The following PSMC6 variants were observed in gnomAD, a reference collection of about 807,000 sequenced individuals.
PSMC6 encodes the protein proteasome 26S subunit, ATPase 6, also known as 26S proteasome regulatory subunit 10B.
A neutral mutation model predicts 55.9 loss-of-function variants in PSMC6; 3 were observed. The observed-to-expected ratio is 0.05, with a 90% CI of 0.02 to 0.14. The LOEUF is 0.14. PSMC6 is among the 10% of genes least tolerant of loss of function. PSMC6 has a pLI of 1.00. For missense variants in PSMC6, 210 were observed against 478.7 expected, an observed-to-expected ratio of 0.44 and a Z score of 5.24; for synonymous variants, 137 against 155.9, an observed-to-expected ratio of 0.88 and a Z score of 0.90.
intron 13 of PSMC6, among the ~76,000 whole-genome samples, chr14:52,725,955 A>C (rs1242599027): frequency 6.6e-6 from 1 of 152,268 alleles, no homozygotes; most frequent in African/African-American, 2.4e-5. Flanking sequence ...TTTAAAAATC[A>C]GTCATTTCCA....
rs534605079 is a variant in PSMC6, at chr14:52,715,569, A to G, written c.529+1601A>G. ...AGTGAAAATTAGAATTTTTAGAAAC[A>G]TATATCTGGCACTATGTGGTTGAAG... On this transcript the variant is annotated intron_variant, in intron 7 of 13. Transcript: ENST00000445930. Among the ~76,000 whole-genome samples, 20 of 151,938 alleles carry G rather than the reference A, an allele frequency of 1.3e-4. No individual in the cohort carries two copies. The East Asian group carries it at 2.3e-3, about 18-fold the overall frequency.
intron 6 of PSMC6, among the ~76,000 whole-genome samples, chr14:52,712,997 T>C (rs931413202): frequency 2.0e-5 from 3 of 152,058 alleles, no homozygotes; most frequent in Admixed American, 2.0e-4. Context: ...TCTGGGAGGC[T>C]GAGGTGGGTG....
chr14:52,720,541 G>T (rs746045241), intron 10 of PSMC6, among the ~76,000 whole-genome samples: 1 of 151,794 alleles, frequency 6.6e-6, no homozygotes, highest in East Asian at 1.9e-4. Context: ...TGAAATTTTG[G>T]ACATTGGAAA....
At chr14:52,711,259 T>A in intron 5 of PSMC6, 91 bp downstream of exon 5, 1 of 1,379,440 alleles carries the variant, frequency 7.2e-7, no homozygotes. Flanking sequence ...ACTGAATATT[T>A]TGGCACTTTT....
At chr14:52,724,157 T>C (rs1880313423) in intron 13 of PSMC6, 121 bp downstream of exon 13, 28 of 842,630 alleles carry the variant, frequency 3.3e-5, no homozygotes, top group Non-Finnish European at 5.5e-6. Context: ...TGCTGTTCTT[T>C]TAGGAATCGA....
intron 7 of PSMC6, among the ~76,000 whole-genome samples, chr14:52,714,620 G>T (rs1310708302): frequency 6.6e-6 from 1 of 152,064 alleles, no homozygotes; most frequent in Non-Finnish European, 1.5e-5. Flanking sequence ...CCAGCACTTC[G>T]GGAGGCCGAG....
At chr14:52,712,204 C>T (rs1168020129) in intron 6 of PSMC6, among the ~76,000 whole-genome samples, 1 of 152,090 alleles carries the variant, frequency 6.6e-6, no homozygotes, top group African/African-American at 2.4e-5. Context: ...AGTTCTCATA[C>T]TTCAGTACAT....
Position 52,718,327 on chromosome 14 carries a change from T to A in PSMC6, c.690T>A (p.Ile230=). The A allele has an allele frequency of 6.2e-7, 1 of 1,613,450 alleles. No individual in the cohort carries two copies. Among genetic ancestry groups the A allele is most frequent in the South Asian group, 1.1e-5 (1 of 91,050 alleles). The change falls in exon 9 of 14, where the codon ATT becomes ATA. Residue 230 remains isoleucine, a synonymous_variant. Coordinates refer to ENST00000445930, the MANE Select transcript of PSMC6 (RefSeq NM_002806.5). ...NYARDHQPCI[I]FMDEIDAIGG... ...CTAGAGATCATCAACCATGCATCAT[T>A]TTTATGGATGAAATAGATGCTATTG... is the stretch of plus-strand genomic sequence containing the variant.
intron 7 of PSMC6, among the ~76,000 whole-genome samples, chr14:52,715,578 G>C (rs990271732): frequency 6.6e-6 from 1 of 151,492 alleles, no homozygotes; most frequent in African/African-American, 2.4e-5. Context: ...CATATATCTG[G>C]CACTATGTGG....
chr14:52,716,018 T>A (rs928780248), intron 7 of PSMC6, among the ~76,000 whole-genome samples: 25 of 152,164 alleles, frequency 1.6e-4, no homozygotes, highest in African/African-American at 6.0e-4. Context: ...AATGTCAACA[T>A]TTGGAAGATT....
At chr14:52,711,003 G>C in intron 4 of PSMC6, 98 bp from the exon 5 acceptor site, 3 of 710,834 alleles carry the variant, frequency 4.2e-6, no homozygotes, top group Non-Finnish European at 4.8e-6. Flanking sequence ...CTCTCTGGAG[G>C]GTAAAAATGA....
In PSMC6 at chr14:52,711,039, C is replaced by T. The variant is rs2041766491; in HGVS notation, c.259-62C>T. The T allele has an allele frequency of 2.3e-5, 8 of 343,616 alleles. No homozygotes were observed. The East Asian group carries it at 2.6e-4, about 11-fold the overall frequency. The allele number at this position is 343,616 out of a possible 1,614,324, so 21.3% of individuals were successfully genotyped here. ...GTGTTTGGCTTCTAAATATTAAACT[C>T]TCGTTAGAGTGTTATTCCGTTTTTA... On this transcript the variant is annotated intron_variant, in intron 4 of 13. Transcript: ENST00000445930.
At chr14:52,720,358 ACT>A (rs1474590313) in intron 10 of PSMC6, among the ~76,000 whole-genome samples, 2 of 109,666 alleles carry the variant, frequency 1.8e-5, no homozygotes, top group Non-Finnish European at 3.5e-5. Flanking sequence ...ACAGAGTGAA[ACT>A]CTGTCTCAAA....
At chr14:52,709,631 A>G in intron 4 of PSMC6, 1 of 454,698 alleles carries the variant, frequency 2.2e-6, no homozygotes, top group South Asian at 1.6e-5. Flanking sequence ...GCATGAGGAC[A>G]AGACTGTATT....
intron 13 of PSMC6, among the ~76,000 whole-genome samples, chr14:52,727,123 C>A (rs1880452917): frequency 6.8e-6 from 1 of 147,896 alleles, no homozygotes; most frequent in South Asian, 2.1e-4. Flanking sequence ...TGGGTTCAAG[C>A]CATTCTCCTG....
chr14:52,716,955 A>G (rs2041836089), intron 7 of PSMC6, among the ~76,000 whole-genome samples: 2 of 152,224 alleles, frequency 1.3e-5, no homozygotes, highest in South Asian at 4.1e-4. Context: ...GTAGAAACCA[A>G]GAGTAGAATG....
chr14:52,718,195 C>G (rs756305820), intron 8 of PSMC6, 34 bp from the exon 9 acceptor site: 1 of 1,608,672 alleles, frequency 6.2e-7, no homozygotes, highest in Admixed American at 1.7e-5. Flanking sequence ...CTTGAATTAT[C>G]TTATATTTAC....
intron 12 of PSMC6, chr14:52,722,838 A>T (rs924680885): frequency 6.6e-6 from 1 of 152,154 alleles, no homozygotes; most frequent in African/African-American, 2.4e-5. Flanking sequence ...AGCTGAGTTG[A>T]ATAGTTACAA....
At chr14:52,708,225 A>G (rs2041725816) in intron 1 of PSMC6, 84 bp from the exon 2 acceptor site, 3 of 1,164,802 alleles carry the variant, frequency 2.6e-6, no homozygotes, top group Non-Finnish European at 3.8e-6. Flanking sequence ...AAGTAGACTT[A>G]CGTAAACAGT....
Sources: allele counts gnomAD v4.1 joint callset (sites outside exome capture counted in the v4.1 genomes callset), GRCh38; gene constraint gnomAD v4.1.1; transcripts MANE v1.5; gene names NCBI Gene and HGNC (gene_info 2026-07-23, HGNC 2026-07-21).